DMTN: variants seen among roughly 807,000 people sequenced by gnomAD.
DMTN encodes dematin.
Under a neutral mutation model 59.4 loss-of-function variants are expected in DMTN, and 27 were observed. That is an observed-to-expected ratio of 0.45 (90% CI 0.33 to 0.63). The LOEUF (loss-of-function observed/expected upper bound fraction) is 0.63. Ranked by LOEUF, DMTN falls within the 20% of genes least tolerant of loss-of-function variation. The probability of loss-of-function intolerance (pLI) is 0.02; values close to 1 mark genes in which losing one functional copy is unlikely to be tolerated. For synonymous variants in DMTN, 221 were observed against 203.7 expected (o/e 1.08, Z -0.72); for missense variants, 451 against 528.9 (o/e 0.85, Z 1.45).
intron 4 of DMTN, among the ~76,000 whole-genome samples, chr8:22,068,795 G>T (rs1027169480): frequency 6.6e-6 from 1 of 152,146 alleles, no homozygotes; most frequent in African/African-American, 2.4e-5. Context: ...GGAGCCCCAG[G>T]AGTACTGAGC....
intron 6 of DMTN, 101 bp from the exon 7 acceptor site, chr8:22,069,780 G>T: frequency 7.2e-7 from 1 of 1,391,876 alleles, no homozygotes; most frequent in East Asian, 2.3e-5. Flanking sequence ...ACAGGGGCCA[G>T]TGAGTTCCCC....
chr8:22,052,069 C>T (rs887262124), upstream of DMTN, among the ~76,000 whole-genome samples: 8 of 152,358 alleles, frequency 5.3e-5, no homozygotes, highest in African/African-American at 1.7e-4. Context: ...CTAGCACACA[C>T]ACACACACCC....
At chr8:22,070,022 G>C in intron 7 of DMTN, 85 bp downstream of exon 7, 1 of 1,584,272 alleles carries the variant, frequency 6.3e-7, no homozygotes, top group Non-Finnish European at 8.7e-7. Context: ...GGCTGGAGGG[G>C]GTCGGGAGGA....
At chr8:22,067,755 C>T (rs1234162917) in intron 4 of DMTN, 73 bp downstream of exon 4, 3 of 1,543,742 alleles carry the variant, frequency 1.9e-6, no homozygotes, top group African/African-American at 2.7e-5. Flanking sequence ...ACCGATCCCT[C>T]CCGTGCTTCC....
At chr8:22,053,388 G>A (rs1801559821), upstream of DMTN, among the ~76,000 whole-genome samples, 1 of 152,192 alleles carries the variant, frequency 6.6e-6, no homozygotes, top group African/African-American at 2.4e-5. Context: ...GAGAATGGTG[G>A]CTTTGGGGCC....
intron 10 of DMTN, among the ~76,000 whole-genome samples, chr8:22,076,106 AGAT>A (rs539954128): frequency 4.5e-4 from 68 of 152,150 alleles, no homozygotes; most frequent in Non-Finnish European, 7.8e-4. Flanking sequence ...CTTGGAACTG[AGAT>A]AATAAGAGAG....
rs1818179583 is a variant in DMTN, at chr8:22,074,421, G to A, written c.835+586G>A. Among the ~76,000 whole-genome samples the A allele has an allele frequency of 1.3e-5, 2 of 152,218 alleles. 1 individual carries two copies. Among genetic ancestry groups the A allele is most frequent in the Non-Finnish European group, 2.9e-5 (2 of 68,048 alleles). On this transcript the variant is annotated intron_variant, in intron 10 of 15. Transcript: ENST00000358242. ...TCTGAGTAGCTGGGATTAAAGGTGT[G>A]CGTCACCATGCCTGGCCAATTTTTA...
At chr8:22,067,505 T>G (rs1811742504) in intron 3 of DMTN, 22 bp from the exon 4 acceptor site, 4 of 1,613,750 alleles carry the variant, frequency 2.5e-6, no homozygotes, top group Non-Finnish European at 2.5e-6. Flanking sequence ...CACAGCAGTT[T>G]CACGCGCACC....
chr8:22,057,547 C>T (rs1012912450), intron 1 of DMTN, among the ~76,000 whole-genome samples: 1 of 152,134 alleles, frequency 6.6e-6, no homozygotes, highest in African/African-American at 2.4e-5. Context: ...TGGAGCAGTA[C>T]ATTTAGGGGC....
Position 22,067,593 on chromosome 8 carries a change from C to G in DMTN, c.160C>G (p.Leu54Val), listed in dbSNP as rs534322027. The G allele has an allele frequency of 6.2e-7, 1 of 1,614,212 alleles. No homozygotes were observed. The highest frequency in any genetic ancestry group is 8.5e-7 in the Non-Finnish European group (1 of 1,180,042). Reference sequence around the variant, plus strand: ...TGCCATCCCCAAGGACAAGGCCATCCTGGACATCGAGCGGCCCGACCTCAT... The same window carrying G: ...TGCCATCCCCAAGGACAAGGCCATCGTGGACATCGAGCGGCCCGACCTCAT... ...LAAIPKDKAILDIERPDLMIY... is the reference protein window; with the variant it reads ...LAAIPKDKAIVDIERPDLMIY... The change falls in exon 4 of 16, where the codon CTG (leucine) becomes GTG (valine). Residue 54 changes from leucine to valine, a missense_variant. Leu to Val is a conservative substitution (Grantham distance 32). Coordinates refer to ENST00000358242, the MANE Select transcript of DMTN (RefSeq NM_001387751.1).
At chr8:22,070,052 G>A (rs1052768926) in intron 7 of DMTN, 115 bp downstream of exon 7, 25 of 1,553,256 alleles carry the variant, frequency 1.6e-5, no homozygotes, top group Admixed American at 8.5e-5. Flanking sequence ...ACAGCAGCAC[G>A]TGTGCCCCGT....
In DMTN at chr8:22,066,787, G is replaced by C; in HGVS notation, c.-89G>C. 7.3e-7 allele frequency: 1 copy of C among 1,373,964 alleles called. No individual in the cohort carries two copies. Among genetic ancestry groups the C allele is most frequent in the Non-Finnish European group, 9.5e-7 (1 of 1,052,426 alleles). 85.1% of individuals were successfully genotyped at this position (1,373,964 alleles called of 1,614,324 possible). A position where few individuals can be genotyped will look rare whatever the true frequency, so the allele number is the denominator to read the frequency against. ...GCTTTCGCGGCCCCAAGCGCGCAGC[G>C]CCCAGCAGCCGCGCCGAGCCTGACA... is the stretch of plus-strand genomic sequence containing the variant. On this transcript the variant is annotated 5_prime_UTR_variant, in exon 2 of 16. Transcript: ENST00000358242.
At chr8:22,064,913 T>C (rs1238579479) in intron 1 of DMTN, among the ~76,000 whole-genome samples, 1 of 152,184 alleles carries the variant, frequency 6.6e-6, no homozygotes. Context: ...GCTCCACGAC[T>C]CTGGACAAAT....
intron 15 of DMTN, 49 bp from the exon 16 acceptor site, chr8:22,081,301 C>T: frequency 6.3e-7 from 1 of 1,594,932 alleles, no homozygotes; most frequent in Non-Finnish European, 8.6e-7. Flanking sequence ...GGTCACTGGG[C>T]ACAGCCCCCT....
At chr8:22,054,173 C>T (rs190196408), upstream of DMTN, among the ~76,000 whole-genome samples, 1 of 151,244 alleles carries the variant, frequency 6.6e-6, no homozygotes, top group African/African-American at 2.4e-5. Flanking sequence ...ACCTTGGCAG[C>T]TACCACTCCT....
chr8:22,076,286 C>T (rs1352200583), intron 10 of DMTN, among the ~76,000 whole-genome samples: 1 of 151,836 alleles, frequency 6.6e-6, no homozygotes, highest in East Asian at 1.9e-4. Flanking sequence ...TAAGATTGTA[C>T]AGAGAGAGGA....
At chr8:22,056,436 G>A (rs1354182620), upstream of DMTN, among the ~76,000 whole-genome samples, 1 of 152,160 alleles carries the variant, frequency 6.6e-6, no homozygotes, top group East Asian at 1.9e-4. Flanking sequence ...AGGGTAGGAG[G>A]TGCAGGTGCC....
At position 22,066,734 on chromosome 8, in the gene DMTN, C is replaced by T; in HGVS notation, c.-142C>T. ...GAGAGTCACCGCCGAGGGATGAGGA[C>T]GCGCCAGCCCGGGGGAACGCGCCAG... is the stretch of plus-strand genomic sequence containing the variant. On this transcript the variant is annotated 5_prime_UTR_variant, in exon 2 of 16. In the 5' UTR this introduces an upstream ATG that the reference lacks. Transcript: ENST00000358242. 1.1e-6 allele frequency: 1 copy of T among 922,122 alleles called. No homozygotes were observed. The highest frequency in any genetic ancestry group is 1.4e-6 in the Non-Finnish European group (1 of 694,738). The allele number at this position is 922,122 out of a possible 1,614,324, so 57.1% of individuals were successfully genotyped here.
chr8:22,069,099 C>A (rs751244205), intron 5 of DMTN, 39 bp downstream of exon 5: 1 of 1,598,314 alleles, frequency 6.3e-7, no homozygotes, highest in Non-Finnish European at 8.5e-7. Flanking sequence ...CCTGCCCTGC[C>A]CTGAAGGGGA....
Sources: gnomAD v4.1 joint callset for allele counts (sites outside exome capture counted in the v4.1 genomes callset) on GRCh38, gnomAD v4.1.1 for gene constraint, MANE v1.5 for transcripts, NCBI Gene and HGNC (gene_info 2026-07-23, HGNC 2026-07-21) for gene names.